FHAD1: variants seen among roughly 807,000 people sequenced by gnomAD.
FHAD1 encodes forkhead associated phosphopeptide binding domain 1.
A neutral mutation model predicts 191.3 loss-of-function variants in FHAD1; 146 were observed. The ratio of observed to expected loss-of-function variants is 0.76; its 90% CI spans 0.67 to 0.88. The LOEUF is 0.88. Ranked by LOEUF, FHAD1 falls within the 40% of genes least tolerant of loss-of-function variation. The pLI is 0.00. For missense variants in FHAD1, 1,635 were observed against 1,785.8 expected (o/e 0.92, Z 1.52); for synonymous variants, 616 against 672.3 (o/e 0.92, Z 1.29).
At position 15,358,518 on chromosome 1, in the gene FHAD1, A is replaced by G. The variant is rs570152268; in HGVS notation, c.2736+235A>G. Among the ~76,000 whole-genome samples, 7 of 152,380 alleles carry G rather than the reference A, an allele frequency of 4.6e-5. No homozygotes were observed. The East Asian group carries it at 1.3e-3, about 29-fold the overall frequency. ...CTCCCCACAGTCGTGATCACCAAAA[A>G]TGTCTTCAGACATTGCCAAGTGTCC... On this transcript the variant is annotated intron_variant, in intron 21 of 33. Transcript: ENST00000688493.
intron 3 of FHAD1, among the ~76,000 whole-genome samples, chr1:15,286,786 T>C (rs1662603009): frequency 6.6e-6 from 1 of 152,210 alleles, no homozygotes; most frequent in East Asian, 1.9e-4. Context: ...GCCTGGCCAC[T>C]GCAGAAGTGT....
chr1:15,390,344 CAAAAAAA>C (rs59353142), intron 32 of FHAD1, among the ~76,000 whole-genome samples: 1 of 69,234 alleles, frequency 1.4e-5, no homozygotes. Flanking sequence ...GACTCTGTCT[CAAAAAAA>C]AAAAAAAAAA....
chr1:15,348,172 T>TA (rs1369420642), intron 18 of FHAD1, among the ~76,000 whole-genome samples: 3 of 152,232 alleles, frequency 2.0e-5, no homozygotes, highest in African/African-American at 7.2e-5. Flanking sequence ...AGCAGAGTGT[T>TA]AGAGTTTTGT....
intron 2 of FHAD1, among the ~76,000 whole-genome samples, chr1:15,264,793 A>G (rs770008185): frequency 6.6e-6 from 1 of 152,182 alleles, no homozygotes; most frequent in African/African-American, 2.4e-5. Flanking sequence ...ACTGAGAATT[A>G]TGTTAGCTAT....
rs1646813783 is a variant in FHAD1, at chr1:15,251,873, T to C, written c.89T>C (p.Leu30Ser). 1 of 1,552,250 alleles carries C rather than the reference T, an allele frequency of 6.4e-7. No homozygotes were observed. Among genetic ancestry groups the C allele is most frequent in the South Asian group, 1.2e-5 (1 of 84,042 alleles). Residue 30 changes from leucine to serine, a missense_variant, in exon 2 of 34, where the codon TTA becomes TCA. Coordinates refer to ENST00000688493, the MANE Select transcript of FHAD1 (RefSeq NM_001391957.1). The stretch of plus-strand genomic sequence containing the variant: ...AGGCATGAAAATTCAGACCTTGTTT[T>C]ACAGGTAAGAAGTCTTCCCACCTGT... ...IGRHENSDLV[L>S]QSPDIDNHHA...
chr1:15,380,801 G>A lies in FHAD1; in HGVS notation c.3801+5G>A, dbSNP rs529102387. 2.8e-5 allele frequency: 43 copies of A among 1,550,856 alleles called. No individual in the cohort carries two copies. The South Asian group carries it at 5.0e-4, about 18-fold the overall frequency. The stretch of plus-strand genomic sequence containing the variant: ...TTAGAGCTCAGTGAAAAGCTGGTAT[G>A]TACATCCAGCATCCACCCTGCTCCT... On this transcript the variant is annotated splice_donor_5th_base_variant and intron_variant, in intron 29 of 33. Transcript: ENST00000688493.
chr1:15,375,069 G>T (rs969033624), intron 27 of FHAD1, among the ~76,000 whole-genome samples: 5 of 151,802 alleles, frequency 3.3e-5, no homozygotes, highest in South Asian at 2.1e-4. Context: ...TATTGGTCAG[G>T]CTGGTCTTGA....
Position 15,397,471 on chromosome 1 carries a change from G to A in FHAD1, c.*58G>A, listed in dbSNP as rs1291757786. ...CTCTGTGAGTTCATGTGACTCTTCT[G>A]TGTCATCTGTGTCAAAATACTGAGT... On this transcript the variant is annotated 3_prime_UTR_variant, in exon 34 of 34. Coordinates refer to ENST00000688493, the MANE Select transcript of FHAD1 (RefSeq NM_001391957.1). The A allele has an allele frequency of 1.3e-6, 1 of 753,942 alleles. No individual in the cohort carries two copies. 46.7% of individuals were successfully genotyped at this position (753,942 alleles called of 1,614,324 possible).
At chr1:15,291,816 G>A (rs1190430768) in intron 4 of FHAD1, among the ~76,000 whole-genome samples, 1 of 152,086 alleles carries the variant, frequency 6.6e-6, no homozygotes, top group Admixed American at 6.5e-5. Flanking sequence ...TGTGTGAAGA[G>A]GCCTCAGTTC....
At chr1:15,332,709 C>T (rs1272704947) in intron 14 of FHAD1, among the ~76,000 whole-genome samples, 1 of 152,132 alleles carries the variant, frequency 6.6e-6, no homozygotes, top group Non-Finnish European at 1.5e-5. Context: ...ATAGTGAGAC[C>T]TTGTCTAAAA....
In FHAD1 at chr1:15,360,719, G is replaced by C; in HGVS notation, c.2962+16G>C. ...AATGACCCAGGTAAGTCCGAAGGGAGGCCAAGGAAATCTTAGTGTTCGGGG... is the reference window on the plus strand; with the variant it reads ...AATGACCCAGGTAAGTCCGAAGGGACGCCAAGGAAATCTTAGTGTTCGGGG... On this transcript the variant is annotated intron_variant, in intron 22 of 33. Transcript: ENST00000688493. 1.3e-6 allele frequency: 2 copies of C among 1,547,758 alleles called. No homozygotes were observed. Among genetic ancestry groups the C allele is most frequent in the African/African-American group, 2.7e-5 (2 of 72,994 alleles).
chr1:15,350,118 CATAAAT>C (rs1366108481), intron 19 of FHAD1, among the ~76,000 whole-genome samples: 6 of 152,372 alleles, frequency 3.9e-5, no homozygotes, highest in Admixed American at 3.9e-4. Flanking sequence ...TTCATCCGCC[CATAAAT>C]ATTCATTTAT....
chr1:15,251,393 C>T (rs183813166), intron 1 of FHAD1, among the ~76,000 whole-genome samples: 1 of 152,080 alleles, frequency 6.6e-6, no homozygotes, highest in South Asian at 2.1e-4. Flanking sequence ...GAACACAGAA[C>T]TTGAATACTT....
chr1:15,391,402 C>A, intron 33 of FHAD1, 139 bp downstream of exon 33: 1 of 406,520 alleles, frequency 2.5e-6, no homozygotes, highest in Non-Finnish European at 4.3e-6. Context: ...ACTGTGTTAG[C>A]CAGGATAGTC....
chr1:15,308,266 C>G (rs1344217563), intron 6 of FHAD1, among the ~76,000 whole-genome samples: 2 of 152,184 alleles, frequency 1.3e-5, no homozygotes, highest in Non-Finnish European at 1.5e-5. Context: ...GCTCTGTATC[C>G]AGTCAGTACT....
At chr1:15,335,708 T>G (rs373074390) in intron 14 of FHAD1, among the ~76,000 whole-genome samples, 1 of 152,174 alleles carries the variant, frequency 6.6e-6, no homozygotes, top group East Asian at 1.9e-4. Context: ...CATTTGGGTT[T>G]TTATAACCAA....
chr1:15,271,459 A>G (rs959127226), intron 2 of FHAD1, among the ~76,000 whole-genome samples: 3 of 152,212 alleles, frequency 2.0e-5, no homozygotes, highest in African/African-American at 7.2e-5. Flanking sequence ...AAGTGAAATT[A>G]CAGAGGAGCT....
downstream of FHAD1, among the ~76,000 whole-genome samples, chr1:15,399,603 C>T (rs1401039634): frequency 6.6e-6 from 1 of 152,024 alleles, no homozygotes; most frequent in Non-Finnish European, 1.5e-5. Context: ...GAGAGTGTAA[C>T]TTGACTTTAC....
intron 8 of FHAD1, among the ~76,000 whole-genome samples, chr1:15,314,863 TG>T (rs370487330): frequency 1.3e-5 from 1 of 77,572 alleles, no homozygotes; most frequent in African/African-American, 5.1e-5. Flanking sequence ...TGTGGATGTG[TG>T]GGTGTGGTGT....
Sources: allele counts gnomAD v4.1 joint callset (sites outside exome capture counted in the v4.1 genomes callset), GRCh38; gene constraint gnomAD v4.1.1; transcripts MANE v1.5; gene names NCBI Gene and HGNC (gene_info 2026-07-23, HGNC 2026-07-21).